Variants in CCSER1 observed in about 807,000 individuals in gnomAD.
CCSER1 encodes the protein serine-rich coiled-coil domain-containing protein 1.
A neutral mutation model predicts 82.0 loss-of-function variants in CCSER1; 41 were observed. That is an observed-to-expected ratio of 0.50 (90% CI 0.39 to 0.65). CCSER1 has a LOEUF of 0.65. CCSER1 is among the 30% of genes least tolerant of loss of function. The pLI is 0.00. For missense variants in CCSER1, 1,119 were observed against 1,064.2 expected (o/e 1.05, Z -0.72); for synonymous variants, 414 against 383.9 (o/e 1.08, Z -0.92).
chr4:91,482,158 T>A (rs1222563097), intron 10 of CCSER1, among the ~76,000 whole-genome samples: 2 of 149,056 alleles, frequency 1.3e-5, no homozygotes, highest in Admixed American at 1.3e-4. Context: ...ATCCCAGCAC[T>A]TTGGGAGGCT....
chr4:90,331,614 T>TTA (rs2153496107), intron 3 of CCSER1, among the ~76,000 whole-genome samples: 1 of 152,284 alleles, frequency 6.6e-6, no homozygotes, highest in Admixed American at 6.5e-5. Context: ...CTGGATTCTA[T>TTA]TACAGATCTA....
chr4:90,318,345 A>G (rs1418100116), intron 3 of CCSER1, among the ~76,000 whole-genome samples: 1 of 152,152 alleles, frequency 6.6e-6, no homozygotes, highest in Non-Finnish European at 1.5e-5. Context: ...TGAAGGTTGC[A>G]TTATCTTCAG....
In CCSER1 at chr4:90,628,152, T is replaced by C; in HGVS notation, c.1852T>C (p.Ser618Pro). 6.2e-7 allele frequency: 1 copy of C among 1,613,874 alleles called. No individual in the cohort carries two copies. Among genetic ancestry groups the C allele is most frequent in the Non-Finnish European group, 8.5e-7 (1 of 1,179,812 alleles). The change falls in exon 6 of 11, where the codon TCT (serine) becomes CCT (proline). Residue 618 changes from serine to proline, a missense_variant. Physicochemically the swap from Ser to Pro is moderately conservative, Grantham distance 74. Transcript: ENST00000509176. ...QGVEENGGID[S>P]LPFRLMLQDC... Reference sequence around the variant, plus strand: ...TGTGGAAGAAAACGGAGGCATAGATTCTCTGCCATTCAGACTGATGTTACA... The same window carrying C: ...TGTGGAAGAAAACGGAGGCATAGATCCTCTGCCATTCAGACTGATGTTACA...
At chr4:90,203,367 C>T (rs577536176) in intron 1 of CCSER1, among the ~76,000 whole-genome samples, 3 of 152,112 alleles carry the variant, frequency 2.0e-5, no homozygotes, top group African/African-American at 7.2e-5. Flanking sequence ...CACCAACAGA[C>T]CCCGGTGTGT....
At chr4:91,250,892 C>T (rs1209795292) in intron 10 of CCSER1, among the ~76,000 whole-genome samples, 1 of 151,986 alleles carries the variant, frequency 6.6e-6, no homozygotes, top group Non-Finnish European at 1.5e-5. Flanking sequence ...TCCAAAATTC[C>T]ATTTATAACT....
At chr4:90,847,681 A>G (rs115049843) in intron 8 of CCSER1, among the ~76,000 whole-genome samples, 2,421 of 152,274 alleles carry the variant, frequency 0.016, 69 homozygotes, top group African/African-American at 0.055. Context: ...AAACAAGAGA[A>G]AAAAAGGAAA....
intron 7 of CCSER1, among the ~76,000 whole-genome samples, chr4:90,800,185 C>T (rs1375758469): frequency 6.6e-6 from 1 of 152,116 alleles, no homozygotes; most frequent in African/African-American, 2.4e-5. Context: ...CTATGTAAAA[C>T]ACAAAAAGCC....
chr4:90,319,269 G>A (rs549924900), intron 3 of CCSER1, among the ~76,000 whole-genome samples: 19 of 152,168 alleles, frequency 1.2e-4, no homozygotes, highest in Admixed American at 5.2e-4. Flanking sequence ...TGTACAATCC[G>A]CCAAGCAAAA....
At chr4:91,254,867 C>G (rs1481068128) in intron 10 of CCSER1, among the ~76,000 whole-genome samples, 1 of 152,050 alleles carries the variant, frequency 6.6e-6, no homozygotes, top group Non-Finnish European at 1.5e-5. Flanking sequence ...CATATTATAG[C>G]ATCGCTAGAA....
chr4:91,133,517 C>G (rs1385852847), intron 10 of CCSER1, among the ~76,000 whole-genome samples: 1 of 152,080 alleles, frequency 6.6e-6, no homozygotes, highest in Non-Finnish European at 1.5e-5. Context: ...ATTGACGCCT[C>G]TGGTATTGAA....
chr4:91,125,496 A>G (rs1727431747), intron 10 of CCSER1, among the ~76,000 whole-genome samples: 1 of 151,708 alleles, frequency 6.6e-6, no homozygotes, highest in Non-Finnish European at 1.5e-5. Flanking sequence ...AGATTAATTA[A>G]GATGTGTTTG....
chr4:91,599,054 G>A lies in CCSER1; in HGVS notation c.2700G>A (p.Gly900=), dbSNP rs1356250682. The change falls in exon 11 of 11, where the codon GGG becomes GGA. Residue 900 remains glycine (G), a synonymous_variant. Coordinates refer to ENST00000509176, the MANE Select transcript of CCSER1 (RefSeq NM_001145065.2). ...TGCAAACTCTAGGCCAGCAGGATGG[G>A]TAATTAAATCACCGTATTCCTGTCT... The part of the protein sequence containing the change: ...TELQTLGQQD[G] 2.6e-6 allele frequency: 4 copies of A among 1,534,408 alleles called. No individual in the cohort carries two copies. Among genetic ancestry groups the A allele is most frequent in the African/African-American group, 1.4e-5 (1 of 72,710 alleles).
At chr4:90,190,365 A>AC (rs1461182073) in intron 1 of CCSER1, among the ~76,000 whole-genome samples, 2 of 152,136 alleles carry the variant, frequency 1.3e-5, no homozygotes, top group Admixed American at 6.6e-5. Flanking sequence ...AAGAACCAAC[A>AC]CAGTAGTTGT....
At chr4:90,762,195 G>A (rs1750507144) in intron 7 of CCSER1, among the ~76,000 whole-genome samples, 1 of 152,076 alleles carries the variant, frequency 6.6e-6, no homozygotes, top group Non-Finnish European at 1.5e-5. Flanking sequence ...CTGTTCTTGT[G>A]ATAGTAAGTG....
chr4:91,575,944 G>A (rs745908518), intron 10 of CCSER1, among the ~76,000 whole-genome samples: 1 of 151,846 alleles, frequency 6.6e-6, no homozygotes, highest in African/African-American at 2.4e-5. Context: ...ACTGTACGAA[G>A]CTTCTTCAAA....
At chr4:90,481,573 G>C (rs954129708) in intron 5 of CCSER1, among the ~76,000 whole-genome samples, 1 of 152,148 alleles carries the variant, frequency 6.6e-6, no homozygotes, top group Non-Finnish European at 1.5e-5. Context: ...AGAGTTTTTA[G>C]CACGAAGTGT....
chr4:91,056,266 T>C (rs1039679137), intron 9 of CCSER1, among the ~76,000 whole-genome samples: 2 of 152,138 alleles, frequency 1.3e-5, no homozygotes, highest in Non-Finnish European at 2.9e-5. Context: ...TTAGTCCATT[T>C]TGTGATTCTA....
At chr4:90,381,055 T>C (rs1048129908) in intron 3 of CCSER1, among the ~76,000 whole-genome samples, 1 of 152,172 alleles carries the variant, frequency 6.6e-6, no homozygotes, top group Non-Finnish European at 1.5e-5. Flanking sequence ...AAATCTTCAA[T>C]GAATGTAGCA....
intron 1 of CCSER1, among the ~76,000 whole-genome samples, chr4:90,185,967 T>A (rs1734538906): frequency 1.3e-5 from 2 of 152,170 alleles, no homozygotes; most frequent in South Asian, 4.1e-4. Context: ...TTGCAATTCA[T>A]ATTGTGCCAC....
Sources: allele counts gnomAD v4.1 joint callset (sites outside exome capture counted in the v4.1 genomes callset), GRCh38; gene constraint gnomAD v4.1.1; transcripts MANE v1.5; gene names NCBI Gene and HGNC (gene_info 2026-07-23, HGNC 2026-07-21).